SLC6A11: variants seen among roughly 807,000 people sequenced by gnomAD.
The protein encoded by SLC6A11 is sodium- and chloride-dependent GABA transporter 3.
SLC6A11 carries 25 observed loss-of-function variants against 74.8 expected under a neutral mutation model. The ratio of observed to expected loss-of-function variants is 0.33; its 90% CI spans 0.24 to 0.47. The LOEUF (loss-of-function observed/expected upper bound fraction) is 0.47. Ranked by LOEUF, SLC6A11 falls within the 20% of genes least tolerant of loss-of-function variation. The pLI, the probability that SLC6A11 is intolerant of heterozygous loss-of-function variation, is 1.00. For synonymous variants in SLC6A11, 330 were observed against 330.2 expected, an observed-to-expected ratio of 1.00 and a Z score of 0.01; for missense variants, 574 against 837.0, an observed-to-expected ratio of 0.69 and a Z score of 3.88.
intron 4 of SLC6A11, among the ~76,000 whole-genome samples, chr3:10,834,071 A>G (rs918565669): frequency 1.3e-5 from 2 of 152,204 alleles, no homozygotes; most frequent in African/African-American, 4.8e-5. Context: ...CACCCAGGGG[A>G]TAGATGATGT....
At chr3:10,897,682 T>G (rs1165796912) in intron 6 of SLC6A11, among the ~76,000 whole-genome samples, 1 of 152,222 alleles carries the variant, frequency 6.6e-6, no homozygotes, top group Non-Finnish European at 1.5e-5. Context: ...TTTCATGGGC[T>G]GGTGTTGAGT....
At chr3:10,890,646 C>T (rs1695096926) in intron 6 of SLC6A11, among the ~76,000 whole-genome samples, 2 of 152,220 alleles carry the variant, frequency 1.3e-5, no homozygotes, top group Admixed American at 1.3e-4. Flanking sequence ...CTTTTTGATT[C>T]TGCCTTATTA....
chr3:10,887,527 C>G (rs1695059642), intron 6 of SLC6A11, among the ~76,000 whole-genome samples: 1 of 152,142 alleles, frequency 6.6e-6, no homozygotes, highest in Non-Finnish European at 1.5e-5. Context: ...CTCACTGCAA[C>G]CTCTGTCTCC....
chr3:10,895,618 G>T (rs1276569255), intron 6 of SLC6A11, among the ~76,000 whole-genome samples: 1 of 152,206 alleles, frequency 6.6e-6, no homozygotes, highest in African/African-American at 2.4e-5. Flanking sequence ...GGGAGGGAGA[G>T]CATCAGGATA....
chr3:10,818,387 A>T (rs1275507724), intron 1 of SLC6A11, among the ~76,000 whole-genome samples: 1 of 152,162 alleles, frequency 6.6e-6, no homozygotes, highest in Non-Finnish European at 1.5e-5. Flanking sequence ...TTGCTTTCTA[A>T]TGTAGTTGGG....
chr3:10,861,626 T>C (rs967927134), intron 5 of SLC6A11, among the ~76,000 whole-genome samples: 1 of 151,960 alleles, frequency 6.6e-6, no homozygotes, highest in African/African-American at 2.4e-5. Flanking sequence ...TGAAGGAAAG[T>C]TTTAAAGCTG....
chr3:10,829,426 C>G (rs1272882304), intron 4 of SLC6A11, among the ~76,000 whole-genome samples: 2 of 152,208 alleles, frequency 1.3e-5, no homozygotes, highest in East Asian at 3.9e-4. Context: ...GCCTTCATGC[C>G]TCCTGATTCA....
At chr3:10,876,766 CAG>C (rs71055842) in intron 6 of SLC6A11, among the ~76,000 whole-genome samples, 15,534 of 90,920 alleles carry the variant, frequency 0.17, 2,214 homozygotes, top group East Asian at 0.3. Context: ...ACCTCCCACA[CAG>C]AGAGAGAGAG....
In SLC6A11 at chr3:10,902,076, G is replaced by A. The variant is rs536138655; in HGVS notation, c.892-10014G>A. ...AAGTTGTGTGTGCGTGTGTCTGTGT[G>A]TGTGTGGGTCTGTGTGTGTGTGTGT... On this transcript the variant is annotated intron_variant, in intron 6 of 13. Transcript: ENST00000254488. 8.7e-4 allele frequency among the ~76,000 whole-genome samples: 120 copies of A among 138,358 alleles called. No individual in the cohort carries two copies. In the East Asian group the frequency reaches 0.018, roughly 21 times the overall value. 90.8% of individuals were successfully genotyped at this position (138,358 alleles called of 152,430 possible). A position where few individuals can be genotyped will look rare whatever the true frequency, so the allele number is the denominator to read the frequency against.
intron 4 of SLC6A11, among the ~76,000 whole-genome samples, chr3:10,827,020 A>G (rs935774044): frequency 6.6e-6 from 1 of 152,204 alleles, no homozygotes; most frequent in African/African-American, 2.4e-5. Flanking sequence ...CCTGTATCCT[A>G]AAAGTACTCA....
chr3:10,856,173 C>A (rs1211564041), intron 5 of SLC6A11, among the ~76,000 whole-genome samples: 4 of 152,198 alleles, frequency 2.6e-5, no homozygotes, highest in Non-Finnish European at 1.5e-5. Context: ...GGGAAAACTT[C>A]TCTTGGGGAA....
chr3:10,916,505 G>C (rs1695455761), intron 7 of SLC6A11, among the ~76,000 whole-genome samples: 1 of 152,232 alleles, frequency 6.6e-6, no homozygotes, highest in African/African-American at 2.4e-5. Flanking sequence ...GCTCAAGTCA[G>C]CTCCACGTGT....
At chr3:10,857,014 C>T (rs890380045) in intron 5 of SLC6A11, among the ~76,000 whole-genome samples, 1 of 152,230 alleles carries the variant, frequency 6.6e-6, no homozygotes, top group Non-Finnish European at 1.5e-5. Flanking sequence ...TTATTGCTTG[C>T]AGTTTTTACA....
intron 1 of SLC6A11, among the ~76,000 whole-genome samples, chr3:10,818,530 T>C (rs1413877451): frequency 6.6e-6 from 1 of 152,222 alleles, no homozygotes; most frequent in Admixed American, 6.5e-5. Context: ...TAAGACCCTT[T>C]CAAACCCTGA....
intron 5 of SLC6A11, 107 bp from the exon 6 acceptor site, chr3:10,874,854 G>C: frequency 1.7e-6 from 2 of 1,152,144 alleles, no homozygotes; most frequent in Non-Finnish European, 1.2e-6. Context: ...GTCAGCCTTG[G>C]GAGAGAGGGT....
chr3:10,843,803 G>A (rs572134120), intron 4 of SLC6A11, among the ~76,000 whole-genome samples: 1 of 152,240 alleles, frequency 6.6e-6, no homozygotes, highest in East Asian at 1.9e-4. Context: ...ACACCTGTTG[G>A]CCAAACAATG....
intron 5 of SLC6A11, among the ~76,000 whole-genome samples, chr3:10,850,689 A>G (rs556490878): frequency 6.6e-6 from 1 of 152,290 alleles, no homozygotes; most frequent in East Asian, 1.9e-4. Context: ...AGATGGTGGC[A>G]TGAGATCAGA....
chr3:10,850,882 C>T (rs1301695809), intron 5 of SLC6A11, among the ~76,000 whole-genome samples: 1 of 152,006 alleles, frequency 6.6e-6, no homozygotes, highest in Non-Finnish European at 1.5e-5. Flanking sequence ...TAGCATAGGA[C>T]CAGGGAGGAG....
chr3:10,835,237 C>T (rs941702782), intron 4 of SLC6A11, among the ~76,000 whole-genome samples: 2 of 152,178 alleles, frequency 1.3e-5, no homozygotes, highest in South Asian at 2.1e-4. Context: ...GTAGGGCAGC[C>T]GTGACCTGGG....
Sources: allele counts gnomAD v4.1 joint callset (sites outside exome capture counted in the v4.1 genomes callset), GRCh38; gene constraint gnomAD v4.1.1; transcripts MANE v1.5; gene names NCBI Gene and HGNC (gene_info 2026-07-23, HGNC 2026-07-21).